The following UACA variants were observed in gnomAD, a reference collection of about 807,000 sequenced individuals.
The protein encoded by UACA is nuclear membrane binding protein.
Under a neutral mutation model 160.5 loss-of-function variants are expected in UACA, and 112 were observed. The observed-to-expected ratio is 0.70, with a 90% CI of 0.60 to 0.82. The LOEUF (loss-of-function observed/expected upper bound fraction) is 0.82. Ranked by LOEUF, UACA falls within the 40% of genes least tolerant of loss-of-function variation. UACA has a pLI of 0.00. For missense variants in UACA, 1,574 were observed against 1,614.6 expected, an observed-to-expected ratio of 0.97 and a Z score of 0.43; for synonymous variants, 557 against 568.4, an observed-to-expected ratio of 0.98 and a Z score of 0.29.
In UACA at chr15:70,657,045, A is replaced by T. The variant is rs1896494266; in HGVS notation, c.*11T>A. ...CAAGATAAAACAGATACTGGCAGTC[A>T]GTGCTAACGGCTAGCACACAAGCCC... is the stretch of plus-strand genomic sequence containing the variant. On this transcript the variant is annotated 3_prime_UTR_variant, in exon 19 of 19. Transcript: ENST00000322954. The T allele has an allele frequency of 5.0e-6, 8 of 1,611,818 alleles. No homozygotes were observed. Among genetic ancestry groups the T allele is most frequent in the Non-Finnish European group, 6.8e-6 (8 of 1,177,900 alleles).
intron 1 of UACA, among the ~76,000 whole-genome samples, chr15:70,759,580 G>A (rs62019061): frequency 0.13 from 20,449 of 152,160 alleles, 1,692 homozygotes; most frequent in African/African-American, 0.23. Flanking sequence ...GCTTGAACCT[G>A]GGAGGCGGAG....
At chr15:70,776,274 AT>A in the UACA span, among the ~76,000 whole-genome samples, 1 of 152,212 alleles carries the variant, frequency 6.6e-6, no homozygotes, top group Non-Finnish European at 1.5e-5. Context: ...TAATTAATTT[AT>A]TTATTCATTA....
intron 1 of UACA, among the ~76,000 whole-genome samples, chr15:70,716,851 T>C (rs1232052876): frequency 6.6e-6 from 1 of 152,188 alleles, no homozygotes; most frequent in Non-Finnish European, 1.5e-5. Context: ...CAGCATCTGA[T>C]CTAAAAGACA....
chr15:70,717,351 G>A (rs752193099), intron 1 of UACA, among the ~76,000 whole-genome samples: 3 of 152,188 alleles, frequency 2.0e-5, no homozygotes, highest in Non-Finnish European at 2.9e-5. Flanking sequence ...TTCTCTATGT[G>A]TAACCTTTAG....
intron 13 of UACA, 88 bp downstream of exon 13, chr15:70,676,403 AAG>A (rs1897304352): frequency 1.0e-6 from 1 of 994,890 alleles, no homozygotes; most frequent in Non-Finnish European, 1.5e-6. Context: ...CACTATAAAT[AAG>A]AGATTTATAA....
chr15:70,765,444 T>G (rs764648169), upstream of UACA, among the ~76,000 whole-genome samples: 9 of 152,170 alleles, frequency 5.9e-5, no homozygotes, highest in Non-Finnish European at 1.2e-4. Flanking sequence ...TGCCCTCCTC[T>G]CTATAGAACC....
At chr15:70,677,336 T>C (rs539166259) in intron 11 of UACA, among the ~76,000 whole-genome samples, 196 bp from the exon 12 acceptor site, 1 of 152,338 alleles carries the variant, frequency 6.6e-6, no homozygotes, top group South Asian at 2.1e-4. Context: ...AGAAGCACTT[T>C]TGATTCTCTT....
chr15:70,757,620 A>T (rs1046242636), intron 1 of UACA, among the ~76,000 whole-genome samples: 40 of 152,350 alleles, frequency 2.6e-4, no homozygotes, highest in East Asian at 3.9e-4. Context: ...AATGCACAAT[A>T]AATGTTTTAT....
intron 1 of UACA, among the ~76,000 whole-genome samples, chr15:70,750,697 C>T (rs1031649582): frequency 1.5e-4 from 23 of 152,140 alleles, no homozygotes; most frequent in African/African-American, 5.3e-4. Flanking sequence ...AGTGAGACCC[C>T]TGTCTCTACA....
In UACA at chr15:70,723,492, C is replaced by T. The variant is rs537786766; in HGVS notation, c.79-23832G>A. 6.4e-4 allele frequency among the ~76,000 whole-genome samples: 97 copies of T among 152,274 alleles called. 1 individual carries two copies. Among genetic ancestry groups the T allele is most frequent in the African/African-American group, 2.3e-3 (97 of 41,544 alleles). ...CTAAAGTATAATCTTGAAATGGGTACTCTCCCTCTAGCCTCCAATCTCTTT... is the reference window on the plus strand; with the variant it reads ...CTAAAGTATAATCTTGAAATGGGTATTCTCCCTCTAGCCTCCAATCTCTTT... On this transcript the variant is annotated intron_variant, in intron 1 of 18. Transcript: ENST00000322954.
At chr15:70,676,652 G>C in intron 12 of UACA, 61 bp from the exon 13 acceptor site, 1 of 1,435,916 alleles carries the variant, frequency 7.0e-7, no homozygotes, top group Non-Finnish European at 9.7e-7. Flanking sequence ...GATTAAAAAT[G>C]TGTTTTAGAA....
rs1233546440 is a variant in UACA at position 70,668,431 on chromosome 15, T to G, written c.2253A>C (p.Glu751Asp). The G allele has an allele frequency of 1.9e-6, 3 of 1,612,102 alleles. No individual in the cohort carries two copies. Among genetic ancestry groups the G allele is most frequent in the Non-Finnish European group, 2.5e-6 (3 of 1,179,832 alleles). ...KNHYVPLKVS[E>D]DMKKSHDAII... ...TTGCATCATGTGACTTTTTCATGTC[T>G]TCACTTACTTTTAAAGGAACATAAT... The change falls in exon 16 of 19, where the codon GAA becomes GAC. Residue 751 changes from glutamate to aspartate, a missense_variant. Glu to Asp is a conservative substitution (Grantham distance 45). Transcript: ENST00000322954.
At chr15:70,723,259 C>G (rs1899044999) in intron 1 of UACA, among the ~76,000 whole-genome samples, 1 of 152,206 alleles carries the variant, frequency 6.6e-6, no homozygotes, top group Admixed American at 6.5e-5. Flanking sequence ...TTTGGAAGGC[C>G]TAGAATGGAG....
chr15:70,695,831 A>G (rs1353679817), intron 2 of UACA, among the ~76,000 whole-genome samples: 1 of 151,560 alleles, frequency 6.6e-6, no homozygotes, highest in African/African-American at 2.4e-5. Context: ...ATATTTCATT[A>G]TTTATTTAGT....
At chr15:70,685,787 C>CA (rs1555411139) in intron 7 of UACA, among the ~76,000 whole-genome samples, 2 of 146,862 alleles carry the variant, frequency 1.4e-5, no homozygotes, top group African/African-American at 2.5e-5. Flanking sequence ...TTAAATTTAA[C>CA]TTTTTTTTTT....
chr15:70,663,648 A>AGAAAATG (rs1393360726), intron 17 of UACA, among the ~76,000 whole-genome samples: 145 of 152,308 alleles, frequency 9.5e-4, no homozygotes, highest in African/African-American at 3.4e-3. Flanking sequence ...GACTGGATTA[A>AGAAAATG]GAAAATGTGG....
intron 8 of UACA, 94 bp from the exon 9 acceptor site, chr15:70,682,889 A>G: frequency 4.1e-6 from 3 of 734,834 alleles, no homozygotes; most frequent in Non-Finnish European, 6.3e-6. Context: ...AATATTAAAT[A>G]AATAAACTTT....
intron 1 of UACA, among the ~76,000 whole-genome samples, chr15:70,747,984 A>G (rs1195121413): frequency 6.6e-6 from 1 of 152,226 alleles, no homozygotes; most frequent in Non-Finnish European, 1.5e-5. Flanking sequence ...TCTAATTCAT[A>G]TAATTCTCAA....
rs1290368193 is a variant in UACA at position 70,763,536 on chromosome 15, G to A, written c.-129C>T. The A allele has an allele frequency of 8.0e-7, 1 of 1,246,100 alleles. No individual in the cohort carries two copies. Among genetic ancestry groups the A allele is most frequent in the East Asian group, 3.2e-5 (1 of 31,622 alleles). The allele number at this position is 1,246,100 out of a possible 1,614,324, so 77.2% of individuals were successfully genotyped here. A position where few individuals can be genotyped will look rare whatever the true frequency, so the allele number is the denominator to read the frequency against. On this transcript the variant is annotated 5_prime_UTR_variant, in exon 1 of 19. Coordinates refer to ENST00000322954, the MANE Select transcript of UACA (RefSeq NM_018003.4). ...CAGCCCCACCTGCCTGCCACCTGCG[G>A]GCCCCGGGCAGCAGACGTCGACAGG...
Sources: allele counts gnomAD v4.1 joint callset (sites outside exome capture counted in the v4.1 genomes callset), GRCh38; gene constraint gnomAD v4.1.1; transcripts MANE v1.5; gene names NCBI Gene and HGNC (gene_info 2026-07-23, HGNC 2026-07-21).